The following SLTM variants were observed in gnomAD, a reference collection of about 807,000 sequenced individuals.
SLTM encodes the protein SAFB-like transcription modulator.
Under a neutral mutation model 134.6 loss-of-function variants are expected in SLTM, and 43 were observed. The observed-to-expected ratio is 0.32, with a 90% CI of 0.25 to 0.41. SLTM has a LOEUF of 0.41. Among genes scored for constraint, SLTM ranks in the 10% least tolerant of loss-of-function variants. The probability of loss-of-function intolerance (pLI) is 1.00; values close to 1 mark genes in which losing one functional copy is unlikely to be tolerated. For synonymous variants in SLTM, 424 were observed against 432.3 expected, an observed-to-expected ratio of 0.98 and a Z score of 0.24; for missense variants, 1,055 against 1,288.8, an observed-to-expected ratio of 0.82 and a Z score of 2.78.
Position 58,932,397 on chromosome 15 carries a change from A to C in SLTM, c.209T>G (p.Val70Gly). The change falls in exon 2 of 21, where the codon GTT (valine) becomes GGT (glycine). Residue 70 changes from valine to glycine, a missense_variant. Physicochemically the swap from Val to Gly is moderately radical, Grantham distance 109 (BLOSUM62 -3). This residue lies in a region of SLTM where 268 missense variants were observed against 284.3 expected (regional missense o/e 0.94). Transcript: ENST00000380516. ...TTTCTTGTTTGGAGTATCAGTTGAA[A>C]CAGTTAATTCAATATTATCTGGATC... is the stretch of plus-strand genomic sequence containing the variant. ...GGDPDNIELTVSTDTPNKKPT... is the reference protein window; with the variant it reads ...GGDPDNIELTGSTDTPNKKPT... 6.2e-7 allele frequency: 1 copy of C among 1,613,730 alleles called. No individual in the cohort carries two copies. The highest frequency in any genetic ancestry group is 8.5e-7 in the Non-Finnish European group (1 of 1,179,642).
intron 2 of SLTM, among the ~76,000 whole-genome samples, chr15:58,922,772 G>GT (rs1416090464): frequency 6.6e-6 from 1 of 151,178 alleles, no homozygotes; most frequent in Admixed American, 6.6e-5. Flanking sequence ...GAGTGCAGTG[G>GT]TGTGATCTTG....
Position 58,933,639 on chromosome 15 carries a change from G to T in SLTM, c.-74C>A, listed in dbSNP as rs1230661071. ...CGGCAGCAGCGCCAACTTCCACCCAGGCCTCGGCGGCCGCCGGCGCCGCGC... is the reference window on the plus strand; with the variant it reads ...CGGCAGCAGCGCCAACTTCCACCCATGCCTCGGCGGCCGCCGGCGCCGCGC... On this transcript the variant is annotated 5_prime_UTR_variant, in exon 1 of 21. The change creates a new upstream start codon in the 5' untranslated region. Coordinates refer to ENST00000380516, the MANE Select transcript of SLTM (RefSeq NM_024755.4). 3 of 1,389,258 alleles carry T rather than the reference G, an allele frequency of 2.2e-6. No individual in the cohort carries two copies. The highest frequency in any genetic ancestry group is 2.8e-6 in the Non-Finnish European group (3 of 1,075,994). 86.1% of individuals were successfully genotyped at this position (1,389,258 alleles called of 1,614,324 possible). A position where few individuals can be genotyped will look rare whatever the true frequency, so the allele number is the denominator to read the frequency against.
intron 4 of SLTM, 146 bp downstream of exon 4, chr15:58,913,353 G>T: frequency 1.7e-6 from 1 of 577,616 alleles, no homozygotes; most frequent in Non-Finnish European, 2.8e-6. Context: ...GCCTAAGGTG[G>T]TAGGATTTTA....
chr15:58,886,814 A>C (rs2140952580), intron 19 of SLTM, among the ~76,000 whole-genome samples, 161 bp downstream of exon 19: 1 of 152,348 alleles, frequency 6.6e-6, no homozygotes, highest in East Asian at 1.9e-4. Flanking sequence ...AGTATGAGAA[A>C]AATTCAGATT....
In SLTM at chr15:58,894,516, T is replaced by A. The variant is rs776353367; in HGVS notation, c.1294A>T (p.Met432Leu). 1 of 1,614,154 alleles carries A rather than the reference T, an allele frequency of 6.2e-7. No homozygotes were observed. Among genetic ancestry groups the A allele is most frequent in the Non-Finnish European group, 8.5e-7 (1 of 1,180,014 alleles). Residue 432 changes from methionine (M) to leucine (L), a missense_variant, in exon 10 of 21, where the codon ATG (methionine) becomes TTG (leucine). Met to Leu is a conservative substitution (Grantham distance 15, BLOSUM62 2). Around this residue, in one of 3 missense-constraint regions of SLTM, gnomAD observed 776 missense variants for 962.2 expected, o/e 0.81. Transcript: ENST00000380516. Reference protein sequence around the residue: ...PGAKCYGIVTMSSSTEVSRCI... With the variant: ...PGAKCYGIVTLSSSTEVSRCI... ...CTGGACACCTCTGTGCTTGAAGACA[T>A]AGTTACAATGCCATAGCATTTTGCC... is the stretch of plus-strand genomic sequence containing the variant.
At position 58,913,650 on chromosome 15, in the gene SLTM, T is replaced by C. The variant is rs1331847965; in HGVS notation, c.362A>G (p.Asp121Gly). The C allele has an allele frequency of 8.1e-6, 13 of 1,613,714 alleles. No homozygotes were observed. Among genetic ancestry groups the C allele is most frequent in the Non-Finnish European group, 1.1e-5 (13 of 1,179,872 alleles). ...NQEAHEQDGN[D>G]ELKDSEEFGE... Reference sequence around the variant, plus strand: ...AAATTCTTCAGAGTCCTTTAGTTCATCATTTCCATCTTGCTCATGTGCCTC... The same window carrying C: ...AAATTCTTCAGAGTCCTTTAGTTCACCATTTCCATCTTGCTCATGTGCCTC... The change falls in exon 4 of 21, where the codon GAT becomes GGT. Residue 121 changes from aspartate (D) to glycine (G), a missense_variant. Asp to Gly is a moderately conservative substitution (Grantham distance 94, BLOSUM62 -1). Coordinates refer to ENST00000380516, the MANE Select transcript of SLTM (RefSeq NM_024755.4).
At chr15:58,898,610 T>TAAAC (rs1429083456) in intron 8 of SLTM, 193 bp downstream of exon 8, 9 of 518,324 alleles carry the variant, frequency 1.7e-5, no homozygotes, top group African/African-American at 1.6e-4. Flanking sequence ...GTTTACAAAG[T>TAAAC]AAACAGTAAC....
intron 3 of SLTM, among the ~76,000 whole-genome samples, chr15:58,915,744 G>A (rs954564826): frequency 6.6e-6 from 1 of 152,012 alleles, no homozygotes; most frequent in South Asian, 2.1e-4. Context: ...AGTGAAGAGA[G>A]CTAGGAGGCA....
At chr15:58,930,851 A>G (rs910812850) in intron 2 of SLTM, among the ~76,000 whole-genome samples, 1 of 151,768 alleles carries the variant, frequency 6.6e-6, no homozygotes, top group Non-Finnish European at 1.5e-5. Flanking sequence ...TCTAATAATA[A>G]GAGATAAATG....
intron 5 of SLTM, among the ~76,000 whole-genome samples, chr15:58,909,869 G>A (rs1268391226): frequency 6.6e-6 from 1 of 152,238 alleles, no homozygotes; most frequent in Non-Finnish European, 1.5e-5. Context: ...TGAGATGCCT[G>A]TTTTTGCCAA....
Position 58,899,354 on chromosome 15 carries a change from A to G in SLTM, c.1058+115T>C. On this transcript the variant is annotated intron_variant, in intron 7 of 20. Transcript: ENST00000380516. The surrounding 1 kb of genome is among the most constrained non-coding windows in gnomAD (Gnocchi z 5.0). ...TATGACGGTCAAAAATATTATAGGCAGGATCATAAGACACTAATTACTGTA... is the reference window on the plus strand; with the variant it reads ...TATGACGGTCAAAAATATTATAGGCGGGATCATAAGACACTAATTACTGTA... The G allele has an allele frequency of 2.5e-6, 2 of 812,874 alleles. No individual in the cohort carries two copies. Among genetic ancestry groups the G allele is most frequent in the Non-Finnish European group, 3.9e-6 (2 of 509,034 alleles). The allele number at this position is 812,874 out of a possible 1,614,324, so 50.4% of individuals were successfully genotyped here.
At chr15:58,908,002 C>CGTGTGTGTGTGT (rs140029214) in intron 5 of SLTM, among the ~76,000 whole-genome samples, 8,641 of 139,838 alleles carry the variant, frequency 0.062, 298 homozygotes, top group East Asian at 0.11. Flanking sequence ...AAACATGCTG[C>CGTGTGTGTGTGT]GTGTGTGTGT....
At chr15:58,911,943 A>T (rs1166792545) in intron 5 of SLTM, among the ~76,000 whole-genome samples, 1 of 152,226 alleles carries the variant, frequency 6.6e-6, no homozygotes, top group Non-Finnish European at 1.5e-5. Context: ...TCAAGTGACA[A>T]GAAAAAAATC....
intron 2 of SLTM, among the ~76,000 whole-genome samples, chr15:58,930,425 C>T (rs1252006594): frequency 3.9e-5 from 6 of 151,914 alleles, no homozygotes; most frequent in African/African-American, 9.7e-5. Flanking sequence ...CCACTGCACC[C>T]GGCCCCCAAA....
intron 3 of SLTM, chr15:58,916,710 A>C (rs145673916): frequency 2.6e-6 from 1 of 391,714 alleles, no homozygotes; most frequent in East Asian, 4.9e-5. Context: ...GAGATTATTA[A>C]TTTTAGCTTT....
intron 14 of SLTM, among the ~76,000 whole-genome samples, chr15:58,890,922 T>C (rs929908374): frequency 4.6e-5 from 7 of 152,208 alleles, no homozygotes; most frequent in Admixed American, 1.3e-4. Context: ...ACATCAATAA[T>C]AGCAAATACT....
In SLTM at chr15:58,879,462, T is replaced by A. The variant is rs1370922544; in HGVS notation, c.*537A>T. 6.5e-6 allele frequency: 1 copy of A among 152,698 alleles called. No individual in the cohort carries two copies. The highest frequency in any genetic ancestry group is 2.4e-5 in the African/African-American group (1 of 41,460). The allele number at this position is 152,698 out of a possible 1,614,324, so 9.5% of individuals were successfully genotyped here. On this transcript the variant is annotated 3_prime_UTR_variant, in exon 21 of 21. Transcript: ENST00000380516. ...TATGAAGGTTTATTTCAAAAAAGATTACATTTTTTTAAACCAGGATACACA... is the reference window on the plus strand; with the variant it reads ...TATGAAGGTTTATTTCAAAAAAGATAACATTTTTTTAAACCAGGATACACA...
At chr15:58,928,760 ATT>A (rs1224670983) in intron 2 of SLTM, among the ~76,000 whole-genome samples, 1 of 152,178 alleles carries the variant, frequency 6.6e-6, no homozygotes, top group Non-Finnish European at 1.5e-5. Context: ...CTACCTTAAT[ATT>A]GTCATAAGAA....
intron 5 of SLTM, 51 bp downstream of exon 5, chr15:58,912,512 C>G: frequency 1.4e-6 from 2 of 1,465,574 alleles, no homozygotes; most frequent in African/African-American, 2.8e-5. Flanking sequence ...ATTCCTTTTC[C>G]AAGCCCGTCC....
Sources: allele counts gnomAD v4.1 joint callset (sites outside exome capture counted in the v4.1 genomes callset), GRCh38; gene constraint gnomAD v4.1.1; regional missense constraint gnomAD v4.1.1; non-coding constraint Gnocchi (gnomAD v3.1); transcripts MANE v1.5; gene names NCBI Gene and HGNC (gene_info 2026-07-23, HGNC 2026-07-21).